RORA: variants seen among roughly 807,000 people sequenced by gnomAD.
RORA encodes nuclear receptor ROR-alpha.
A neutral mutation model predicts 69.5 loss-of-function variants in RORA; 7 were observed. That is an observed-to-expected ratio of 0.10 (90% CI 0.06 to 0.19). RORA has a LOEUF of 0.19. Among genes scored for constraint, RORA ranks in the 10% least tolerant of loss-of-function variants. The probability of loss-of-function intolerance (pLI) is 1.00; values close to 1 mark genes in which losing one functional copy is unlikely to be tolerated. For missense variants in RORA, 457 were observed against 663.0 expected (o/e 0.69, Z 3.41); for synonymous variants, 261 against 240.8 (o/e 1.08, Z -0.78).
At chr15:60,997,986 T>C (rs1364215451) in intron 1 of RORA, among the ~76,000 whole-genome samples, 1 of 152,150 alleles carries the variant, frequency 6.6e-6, no homozygotes, top group Non-Finnish European at 1.5e-5. Context: ...ACAGACACTA[T>C]CACGATGCTC....
At chr15:61,080,169 T>C (rs894622545) in intron 1 of RORA, among the ~76,000 whole-genome samples, 2 of 152,268 alleles carry the variant, frequency 1.3e-5, no homozygotes, top group Non-Finnish European at 1.5e-5. Context: ...CTCTTTTCCT[T>C]GGTTGCCAAC....
At chr15:60,739,674 C>G (rs2071548350) in intron 1 of RORA, among the ~76,000 whole-genome samples, 1 of 152,136 alleles carries the variant, frequency 6.6e-6, no homozygotes, top group African/African-American at 2.4e-5. Flanking sequence ...TCTCAATGCC[C>G]CACTTCATAC....
At chr15:60,878,343 CAAAA>C (rs35845582) in intron 1 of RORA, among the ~76,000 whole-genome samples, 26 of 68,420 alleles carry the variant, frequency 3.8e-4, no homozygotes, top group Non-Finnish European at 5.3e-4. Context: ...GACTCTGTCT[CAAAA>C]AAAAAAAAAA....
At chr15:61,132,113 CTATT>C (rs1787911942) in intron 1 of RORA, among the ~76,000 whole-genome samples, 1 of 152,220 alleles carries the variant, frequency 6.6e-6, no homozygotes, top group African/African-American at 2.4e-5. Flanking sequence ...ACTAATCTAT[CTATT>C]CCTGGTATAA....
chr15:60,552,604 A>G (rs191515429), intron 2 of RORA, among the ~76,000 whole-genome samples: 1 of 152,336 alleles, frequency 6.6e-6, no homozygotes, highest in Admixed American at 6.5e-5. Context: ...AGCATGTAAT[A>G]TCTACTACCC....
At chr15:61,031,223 A>T (rs918412718) in intron 1 of RORA, among the ~76,000 whole-genome samples, 2 of 152,190 alleles carry the variant, frequency 1.3e-5, no homozygotes, top group African/African-American at 4.8e-5. Flanking sequence ...TTTGAATACC[A>T]AATTTTGTGA....
Position 60,959,302 on chromosome 15 carries a change from C to T in RORA, c.166+269751G>A, listed in dbSNP as rs542041905. 2.7e-4 allele frequency among the ~76,000 whole-genome samples: 41 copies of T among 152,244 alleles called. 1 individual carries two copies. The South Asian group carries it at 8.3e-3, about 31-fold the overall frequency. ...AAAATATACATTAAAAAATCATTTT[C>T]CTGAAACATTCAAATAATTTCAAGT... On this transcript the variant is annotated intron_variant, in intron 1 of 10. Transcript: ENST00000335670.
At chr15:60,744,012 A>G (rs973959237) in intron 1 of RORA, among the ~76,000 whole-genome samples, 1 of 151,962 alleles carries the variant, frequency 6.6e-6, no homozygotes, top group African/African-American at 2.4e-5. Context: ...GATCTGTAAG[A>G]TAAGGGGTGG....
intron 2 of RORA, among the ~76,000 whole-genome samples, chr15:60,555,257 A>T (rs2067324364): frequency 1.3e-5 from 2 of 152,124 alleles, no homozygotes; most frequent in Non-Finnish European, 2.9e-5. Context: ...ACCCTTATTT[A>T]CTGTGGCCTA....
At chr15:61,134,131 C>T (rs367633708) in intron 1 of RORA, among the ~76,000 whole-genome samples, 11 of 152,168 alleles carry the variant, frequency 7.2e-5, no homozygotes, top group African/African-American at 2.7e-4. Context: ...AGGATGAGCA[C>T]CCTGATTTAG....
At chr15:60,834,679 C>G (rs1259644594) in intron 1 of RORA, among the ~76,000 whole-genome samples, 3 of 152,220 alleles carry the variant, frequency 2.0e-5, no homozygotes, top group Non-Finnish European at 4.4e-5. Flanking sequence ...AATTCAGATG[C>G]AGATTTGCCC....
At position 60,502,805 on chromosome 15, in the gene RORA, A is replaced by G; in HGVS notation, c.1138T>C (p.Tyr380His). 3.7e-6 allele frequency: 6 copies of G among 1,614,136 alleles called. No homozygotes were observed. Among genetic ancestry groups the G allele is most frequent in the Non-Finnish European group, 5.1e-6 (6 of 1,179,954 alleles). ...GGGCTGGCATACTTCCCATCAAAGT[A>G]CACGGTGTTGTTCTGAGAGTCAAAG... ...RAFDSQNNTV[Y>H]FDGKYASPDV... Residue 380 changes from tyrosine to histidine, a missense_variant, in exon 8 of 11, where the codon TAC becomes CAC. By Grantham distance (83) the Tyr-to-His change is moderately conservative. Around this residue, in one of 3 missense-constraint regions of RORA, gnomAD observed 304 missense variants for 447.4 expected, o/e 0.68. Transcript: ENST00000335670.
At chr15:61,214,900 G>C (rs961916206) in intron 1 of RORA, among the ~76,000 whole-genome samples, 5 of 123,260 alleles carry the variant, frequency 4.1e-5, no homozygotes, top group Non-Finnish European at 6.4e-5. Flanking sequence ...GAGTCTTGCT[G>C]TGTCCCCAGG....
intron 1 of RORA, among the ~76,000 whole-genome samples, chr15:61,165,747 C>T (rs766074007): frequency 4.6e-5 from 7 of 152,186 alleles, no homozygotes; most frequent in Non-Finnish European, 8.8e-5. Context: ...AACATGAAAG[C>T]TGAAAATCTT....
intron 2 of RORA, among the ~76,000 whole-genome samples, chr15:60,661,585 C>T (rs1442780225): frequency 2.0e-5 from 3 of 152,142 alleles, no homozygotes; most frequent in Non-Finnish European, 4.4e-5. Context: ...AGGGTTTCTC[C>T]CATCTATTAA....
intron 1 of RORA, among the ~76,000 whole-genome samples, chr15:60,845,449 G>C (rs2073253352): frequency 6.6e-6 from 1 of 152,090 alleles, no homozygotes; most frequent in African/African-American, 2.4e-5. Context: ...GTTTCCCCAG[G>C]CAATCTTTTG....
At chr15:60,777,621 T>C (rs936986361) in intron 1 of RORA, among the ~76,000 whole-genome samples, 1 of 152,190 alleles carries the variant, frequency 6.6e-6, no homozygotes, top group Non-Finnish European at 1.5e-5. Context: ...CACTGTGGGC[T>C]GCAGTCCCCA....
At chr15:60,938,630 G>A (rs1381006991) in intron 1 of RORA, among the ~76,000 whole-genome samples, 1 of 152,210 alleles carries the variant, frequency 6.6e-6, no homozygotes, top group Admixed American at 6.5e-5. Flanking sequence ...CAAACTAGAG[G>A]AGGGAAACAC....
intron 1 of RORA, among the ~76,000 whole-genome samples, chr15:61,020,464 T>C (rs1349036794): frequency 6.6e-6 from 1 of 152,220 alleles, no homozygotes; most frequent in Non-Finnish European, 1.5e-5. Context: ...ACTCAATACT[T>C]TTCAGGCCCA....
Sources: allele counts gnomAD v4.1 joint callset (sites outside exome capture counted in the v4.1 genomes callset), GRCh38; gene constraint gnomAD v4.1.1; regional missense constraint gnomAD v4.1.1; transcripts MANE v1.5; gene names NCBI Gene and HGNC (gene_info 2026-07-23, HGNC 2026-07-21).